FZR1: variants seen among roughly 807,000 people sequenced by gnomAD.
FZR1 encodes fizzy-related protein homolog.
In FZR1, 11 loss-of-function variants were observed where a neutral mutation model predicts 63.6. The observed-to-expected ratio is 0.17, with a 90% CI of 0.11 to 0.29. The LOEUF (loss-of-function observed/expected upper bound fraction) is 0.29, where lower values mean the gene tolerates loss of function less well. Ranked by LOEUF, FZR1 falls within the 10% of genes least tolerant of loss-of-function variation. FZR1 has a pLI of 1.00. For missense variants in FZR1, 440 were observed against 687.5 expected (o/e 0.64, Z 4.03); for synonymous variants, 328 against 297.9 (o/e 1.10, Z -1.04).
At chr19:3,527,896 G>C (rs919347539) in intron 7 of FZR1, 82 bp downstream of exon 7, 1 of 1,169,580 alleles carries the variant, frequency 8.6e-7, no homozygotes, top group South Asian at 1.4e-5. Flanking sequence ...GGGATCCAGG[G>C]AGCATCAGTA....
At chr19:3,523,692 C>T (rs1599780844) in intron 2 of FZR1, among the ~76,000 whole-genome samples, 1 of 152,248 alleles carries the variant, frequency 6.6e-6, no homozygotes, top group Non-Finnish European at 1.5e-5. Flanking sequence ...CCCAAGCCAT[C>T]ATTCTCGAAG....
intron 13 of FZR1, 80 bp from the exon 14 acceptor site, chr19:3,534,715 C>A (rs2083279838): frequency 4.4e-6 from 6 of 1,350,094 alleles, no homozygotes; most frequent in Non-Finnish European, 4.2e-6. Flanking sequence ...GGACCAAGCC[C>A]CAAAGCCTTG....
chr19:3,513,092 C>T (rs925014379), intron 1 of FZR1, among the ~76,000 whole-genome samples: 3 of 152,028 alleles, frequency 2.0e-5, no homozygotes, highest in African/African-American at 7.2e-5. Flanking sequence ...GGGCCAGGGC[C>T]TCACAGGTGG....
chr19:3,516,175 G>A lies in FZR1; in HGVS notation c.-34-6781G>A, dbSNP rs1168458738. On this transcript the variant is annotated intron_variant, in intron 1 of 13. Transcript: ENST00000441788. This position sits in a 1 kb window ranked among gnomAD's most constrained non-coding sequence, Gnocchi z 6.0. ...TGCAGCTTCTGCCAACCATGAGTGC[G>A]TGTGGCTGTCTCTCCCCACGCCTGG... 6.6e-6 allele frequency among the ~76,000 whole-genome samples: 1 copy of A among 152,190 alleles called. No individual in the cohort carries two copies. Among genetic ancestry groups the A allele is most frequent in the African/African-American group, 2.4e-5 (1 of 41,442 alleles).
Position 3,526,209 on chromosome 19 carries a change from G to A in FZR1, c.259+26G>A, listed in dbSNP as rs1160689603. ...GTTAGGGTCCCAGCCCATCCGCCCTGCAGGCCCCCACCCTGCCTTGCCCCG... is the reference window on the plus strand; with the variant it reads ...GTTAGGGTCCCAGCCCATCCGCCCTACAGGCCCCCACCCTGCCTTGCCCCG... On this transcript the variant is annotated intron_variant, in intron 4 of 13. Coordinates refer to ENST00000441788, the MANE Select transcript of FZR1 (RefSeq NM_016263.4). The surrounding 1 kb of genome is among the most constrained non-coding windows in gnomAD (Gnocchi z 5.4). The A allele has an allele frequency of 2.5e-6, 4 of 1,611,750 alleles. No individual in the cohort carries two copies. The highest frequency in any genetic ancestry group is 1.3e-5 in the African/African-American group (1 of 74,920).
chr19:3,535,466 G>T lies in FZR1; in HGVS notation c.*630G>T, dbSNP rs1195427387. The T allele has an allele frequency of 6.5e-6, 1 of 153,878 alleles. No individual in the cohort carries two copies. Among genetic ancestry groups the T allele is most frequent in the African/African-American group, 2.4e-5 (1 of 41,494 alleles). The allele number at this position is 153,878 out of a possible 1,614,324, so 9.5% of individuals were successfully genotyped here. ...TCTGCTGTCACTGCTCGAAGCAGCA[G>T]TCTCTCTGGAAGCATCTGTGTCATG... is the stretch of plus-strand genomic sequence containing the variant. On this transcript the variant is annotated 3_prime_UTR_variant, in exon 14 of 14. Transcript: ENST00000441788.
intron 7 of FZR1, among the ~76,000 whole-genome samples, chr19:3,529,143 TGGGA>T (rs2083200017): frequency 1.1e-4 from 14 of 122,056 alleles, no homozygotes; most frequent in African/African-American, 3.2e-4. Context: ...GGAGAGCGGA[TGGGA>T]GAGCGGATGG....
chr19:3,535,733 TG>T lies in FZR1; in HGVS notation c.*898del, dbSNP rs1476641037. On this transcript the variant is annotated 3_prime_UTR_variant, in exon 14 of 14. Transcript: ENST00000441788. ...GCGCAAGACTTGCGTCCCCCATGCC[TG>T]CTGGGTGGCTGGGTCCTGTGGAGGC... 1 of 152,386 alleles carries T rather than the reference TG, an allele frequency of 6.6e-6. No individual in the cohort carries two copies. Among genetic ancestry groups the T allele is most frequent in the Non-Finnish European group, 1.5e-5 (1 of 68,138 alleles). The allele number at this position is 152,386 out of a possible 1,614,324, so 9.4% of individuals were successfully genotyped here.
rs368356219 is a variant in FZR1 at position 3,525,930 on chromosome 19, C to T, written c.132C>T (p.His44=). 57 of 1,612,506 alleles carry T rather than the reference C, an allele frequency of 3.5e-5. No individual in the cohort carries two copies. The highest frequency in any genetic ancestry group is 5.0e-5 in the Admixed American group (3 of 60,008). Residue 44 remains histidine, a synonymous_variant, in exon 3 of 14, where the codon CAC becomes CAT. Transcript: ENST00000441788. The surrounding 1 kb of genome is among the most constrained non-coding windows in gnomAD (Gnocchi z 4.2). Reference sequence around the variant, plus strand: ...CCCCAGTGTCCTCGCCCAGCAAGCACGGAGACCGCTTCATCCCCTCCAGAG... The same window carrying T: ...CCCCAGTGTCCTCGCCCAGCAAGCATGGAGACCGCTTCATCCCCTCCAGAG... ...ASSPVSSPSK[H]GDRFIPSRAG...
In FZR1 at chr19:3,514,971, T is replaced by A. The variant is rs552861546; in HGVS notation, c.-34-7985T>A. Among the ~76,000 whole-genome samples the A allele has an allele frequency of 6.6e-6, 1 of 152,218 alleles. No individual in the cohort carries two copies. The highest frequency in any genetic ancestry group is 1.9e-4 in the East Asian group (1 of 5,170). On this transcript the variant is annotated intron_variant, in intron 1 of 13. Coordinates refer to ENST00000441788, the MANE Select transcript of FZR1 (RefSeq NM_016263.4). The surrounding 1 kb of genome is among the most constrained non-coding windows in gnomAD (Gnocchi z 4.2). ...TGAAAGGTGGACCTTCCCTATGAGC[T>A]GGCCCAGGGGGTTTGCAGGACCCAC...
intron 10 of FZR1, 147 bp downstream of exon 10, chr19:3,532,242 T>C: frequency 1.1e-6 from 1 of 936,404 alleles, no homozygotes; most frequent in Non-Finnish European, 1.6e-6. Context: ...TCCTTCCTGC[T>C]CAGCCAGTCC....
intron 2 of FZR1, among the ~76,000 whole-genome samples, chr19:3,524,134 G>C (rs2083129556): frequency 6.6e-6 from 1 of 152,348 alleles, no homozygotes; most frequent in African/African-American, 2.4e-5. Context: ...TGTGCACAGA[G>C]AGGATCTGGG....
At chr19:3,511,486 T>C (rs1310265240) in intron 1 of FZR1, among the ~76,000 whole-genome samples, 2 of 152,198 alleles carry the variant, frequency 1.3e-5, no homozygotes, top group Non-Finnish European at 2.9e-5. Flanking sequence ...GAGGATTGCT[T>C]GAGCCCAGGA....
intron 1 of FZR1, among the ~76,000 whole-genome samples, chr19:3,510,406 A>G (rs76709008): frequency 3.3e-5 from 5 of 152,190 alleles, no homozygotes. Context: ...AAGCTCTGGG[A>G]TTACTGGCGG....
intron 1 of FZR1, among the ~76,000 whole-genome samples, chr19:3,507,576 C>T (rs76513980): frequency 6.6e-6 from 1 of 152,134 alleles, no homozygotes; most frequent in African/African-American, 2.4e-5. Flanking sequence ...CATGCCTCTC[C>T]GTGGTGAGGC....
chr19:3,531,841 G>C, intron 9 of FZR1, 25 bp downstream of exon 9: 1 of 1,549,950 alleles, frequency 6.5e-7, no homozygotes, highest in East Asian at 2.4e-5. Context: ...TCCCATGGCT[G>C]GTGAGCTCCC....
intron 1 of FZR1, among the ~76,000 whole-genome samples, chr19:3,512,029 C>A (rs1453463973): frequency 6.6e-6 from 1 of 152,192 alleles, no homozygotes; most frequent in Non-Finnish European, 1.5e-5. Flanking sequence ...GCAACCACGG[C>A]CACCTGCCCC....
Position 3,534,503 on chromosome 19 carries a change from G to C in FZR1, c.1430G>C (p.Arg477Pro). The C allele has an allele frequency of 6.2e-7, 1 of 1,604,806 alleles. No individual in the cohort carries two copies. Among genetic ancestry groups the C allele is most frequent in the Non-Finnish European group, 8.5e-7 (1 of 1,174,558 alleles). ...TTCTGGAACGTCTTTAGCAAAACCC[G>C]TTCGACAAAGGTAAAGTGGGTCGGT... is the stretch of plus-strand genomic sequence containing the variant. ...LRFWNVFSKT[R>P]STKESVSVLN... is the part of the protein sequence containing the mutation. Residue 477 changes from arginine (R) to proline (P), a missense_variant, in exon 13 of 14, where the codon CGT becomes CCT. By Grantham distance (103) the Arg-to-Pro change is moderately radical. This residue lies in a region of FZR1 where 28 missense variants were observed against 26.3 expected (regional missense o/e 1.06). Transcript: ENST00000441788.
chr19:3,518,345 C>T (rs2083074327), intron 1 of FZR1, among the ~76,000 whole-genome samples: 1 of 152,158 alleles, frequency 6.6e-6, no homozygotes, highest in African/African-American at 2.4e-5. Flanking sequence ...CTCCTGGTAT[C>T]CTCCTGCTGT....
Sources: gnomAD v4.1 joint callset for allele counts (sites outside exome capture counted in the v4.1 genomes callset) on GRCh38, gnomAD v4.1.1 for gene constraint, gnomAD v4.1.1 regional missense constraint, Gnocchi (gnomAD v3.1) non-coding constraint, MANE v1.5 for transcripts, NCBI Gene and HGNC (gene_info 2026-07-23, HGNC 2026-07-21) for gene names.